The following PDE4D variants were observed in gnomAD, a reference collection of about 807,000 sequenced individuals.
The protein encoded by PDE4D is phosphodiesterase 4D.
Under a neutral mutation model 87.4 loss-of-function variants are expected in PDE4D, and 24 were observed. The observed-to-expected ratio is 0.27, with a 90% CI of 0.20 to 0.39. The LOEUF (loss-of-function observed/expected upper bound fraction) is 0.39. Ranked by LOEUF, PDE4D falls within the 10% of genes least tolerant of loss-of-function variation. PDE4D has a pLI of 1.00. For synonymous variants in PDE4D, 384 were observed against 383.2 expected (o/e 1.00, Z -0.02); for missense variants, 714 against 1,041.0 (o/e 0.69, Z 4.32).
intron 2 of PDE4D, among the ~76,000 whole-genome samples, chr5:60,126,949 G>A (rs1216275792): frequency 6.6e-6 from 1 of 152,182 alleles, no homozygotes; most frequent in Admixed American, 6.5e-5. Context: ...TAAGTACAGT[G>A]AAAGAAGTAT....
intron 3 of PDE4D, among the ~76,000 whole-genome samples, chr5:59,187,531 T>C (rs1354913809): frequency 6.6e-6 from 1 of 152,204 alleles, no homozygotes; most frequent in Non-Finnish European, 1.5e-5. Context: ...TTATTCTTTA[T>C]ATTTTACATA....
chr5:60,177,916 G>C (rs1176883847), intron 2 of PDE4D, among the ~76,000 whole-genome samples: 3 of 152,072 alleles, frequency 2.0e-5, no homozygotes, highest in Non-Finnish European at 2.9e-5. Flanking sequence ...TTTTAAATGA[G>C]CAGATGCCAA....
intron 1 of PDE4D, among the ~76,000 whole-genome samples, chr5:60,295,749 C>T (rs1025303731): frequency 4.6e-5 from 7 of 152,174 alleles, no homozygotes; most frequent in African/African-American, 1.7e-4. Flanking sequence ...CATCATCAGG[C>T]AGCTGCCTGA....
rs138642715 is a variant in PDE4D at position 60,512,563 on chromosome 5, C to G, written n.70+9488G>C. 1.5e-3 allele frequency among the ~76,000 whole-genome samples: 226 copies of G among 152,058 alleles called. 1 individual carries two copies. The highest frequency in any genetic ancestry group is 5.4e-3 in the African/African-American group (222 of 41,470). ...CTTTGAGTTAAATATTTCTACCTAC[C>G]TACCTAGGGAAGTTTTAGAAGACTT... On this transcript the variant is annotated intron_variant and non_coding_transcript_variant, in intron 1 of 2. Transcript: ENST00000506510.
intron 1 of PDE4D, among the ~76,000 whole-genome samples, chr5:59,859,106 T>C: frequency 6.6e-6 from 1 of 152,200 alleles, no homozygotes; most frequent in East Asian, 1.9e-4. Context: ...TAATCTTTAG[T>C]AAGTATTTGT....
At chr5:59,243,748 C>T (rs1758200668) in intron 1 of PDE4D, among the ~76,000 whole-genome samples, 1 of 152,038 alleles carries the variant, frequency 6.6e-6, no homozygotes, top group African/African-American at 2.4e-5. Flanking sequence ...GCGTGAGCCA[C>T]CGGAACTGTT....
intron 1 of PDE4D, among the ~76,000 whole-genome samples, chr5:60,464,804 TA>T (rs1299938833): frequency 1.2e-4 from 18 of 152,114 alleles, no homozygotes; most frequent in African/African-American, 3.1e-4. Flanking sequence ...AGCTAAAAAA[TA>T]AAAAAGCAAG....
intron 6 of PDE4D, among the ~76,000 whole-genome samples, chr5:59,006,063 A>G (rs895292197): frequency 2.6e-5 from 4 of 152,244 alleles, no homozygotes; most frequent in African/African-American, 7.2e-5. Flanking sequence ...TGGGAGCGCT[A>G]TGTGAACAAC....
chr5:59,047,812 A>G (rs1041428607), intron 5 of PDE4D, among the ~76,000 whole-genome samples: 2 of 152,202 alleles, frequency 1.3e-5, no homozygotes. Context: ...TGGAGCCCTC[A>G]TGAATTAGAT....
At chr5:60,509,067 T>C (rs1750453018) in intron 1 of PDE4D, among the ~76,000 whole-genome samples, 1 of 152,036 alleles carries the variant, frequency 6.6e-6, no homozygotes, top group Admixed American at 6.6e-5. Context: ...GCCCAGCTGA[T>C]TTTTATGTTT....
chr5:59,093,826 A>T (rs1769183352), intron 5 of PDE4D, among the ~76,000 whole-genome samples: 1 of 152,212 alleles, frequency 6.6e-6, no homozygotes, highest in African/African-American at 2.4e-5. Context: ...GAAGAAAGAA[A>T]TCTACAGGAA....
At chr5:59,467,332 T>C (rs1170587241) in intron 1 of PDE4D, among the ~76,000 whole-genome samples, 2 of 152,156 alleles carry the variant, frequency 1.3e-5, no homozygotes, top group African/African-American at 2.4e-5. Flanking sequence ...GTACATGATA[T>C]AGGGTCTGAG....
At chr5:59,222,062 A>T (rs535543763) in intron 1 of PDE4D, among the ~76,000 whole-genome samples, 2 of 152,220 alleles carry the variant, frequency 1.3e-5, no homozygotes, top group South Asian at 2.1e-4. Context: ...TACTCCACAG[A>T]CCCATCCTTT....
intron 1 of PDE4D, among the ~76,000 whole-genome samples, chr5:59,862,733 T>A (rs1746463023): frequency 1.3e-5 from 2 of 152,222 alleles, no homozygotes; most frequent in East Asian, 1.9e-4. Context: ...ACTAGCAGAT[T>A]TTTTTTCCTG....
intron 1 of PDE4D, among the ~76,000 whole-genome samples, chr5:60,367,141 T>C (rs765631448): frequency 6.6e-6 from 1 of 152,098 alleles, no homozygotes; most frequent in Non-Finnish European, 1.5e-5. Context: ...ACAAGAAGAA[T>C]TTTTTGTCAA....
intron 1 of PDE4D, among the ~76,000 whole-genome samples, chr5:60,426,037 G>T (rs1484062112): frequency 1.3e-5 from 2 of 152,184 alleles, no homozygotes; most frequent in Non-Finnish European, 2.9e-5. Context: ...GGAAACAACA[G>T]ATGCTGGAGA....
At chr5:60,328,430 T>C (rs1055224263) in intron 1 of PDE4D, among the ~76,000 whole-genome samples, 2 of 151,426 alleles carry the variant, frequency 1.3e-5, no homozygotes, top group Admixed American at 1.3e-4. Context: ...TCTTTTTTAA[T>C]TGATTTAGTC....
At chr5:60,083,411 T>A (rs1774188151) in intron 2 of PDE4D, among the ~76,000 whole-genome samples, 1 of 152,056 alleles carries the variant, frequency 6.6e-6, no homozygotes, top group Non-Finnish European at 1.5e-5. Context: ...GCAAAAACAC[T>A]CAACAGTGAA....
At chr5:60,243,870 A>C (rs1747408772) in intron 1 of PDE4D, among the ~76,000 whole-genome samples, 1 of 151,984 alleles carries the variant, frequency 6.6e-6, no homozygotes, top group African/African-American at 2.4e-5. Flanking sequence ...AAACACTGAA[A>C]GCCTTTTCTC....
Sources: gnomAD v4.1 joint callset for allele counts (sites outside exome capture counted in the v4.1 genomes callset) on GRCh38, gnomAD v4.1.1 for gene constraint, MANE v1.5 for transcripts, NCBI Gene and HGNC (gene_info 2026-07-23, HGNC 2026-07-21) for gene names.